Variants in SORCS3 observed in about 807,000 individuals in gnomAD.
The protein encoded by SORCS3 is sortilin related VPS10 domain containing receptor 3.
In SORCS3, 57 loss-of-function variants were observed where a neutral mutation model predicts 146.3. That is an observed-to-expected ratio of 0.39 (90% CI 0.31 to 0.49). SORCS3 has a LOEUF of 0.49. SORCS3 is among the 20% of genes least tolerant of loss of function. The pLI is 0.92. For synonymous variants in SORCS3, 653 were observed against 618.5 expected, an observed-to-expected ratio of 1.06 and a Z score of -0.83; for missense variants, 1,341 against 1,575.5, an observed-to-expected ratio of 0.85 and a Z score of 2.52.
intron 13 of SORCS3, among the ~76,000 whole-genome samples, chr10:105,172,469 T>G (rs2056368301): frequency 6.6e-6 from 1 of 152,230 alleles, no homozygotes; most frequent in Non-Finnish European, 1.5e-5. Flanking sequence ...TCCCTTATTC[T>G]ATCTGTATGT....
chr10:105,034,221 G>A (rs946549573), intron 4 of SORCS3, among the ~76,000 whole-genome samples: 3 of 152,122 alleles, frequency 2.0e-5, no homozygotes, highest in African/African-American at 7.2e-5. Context: ...CCCTTAGGAA[G>A]TGTTATTTCC....
chr10:104,808,576 G>A (rs780962584), intron 1 of SORCS3, among the ~76,000 whole-genome samples: 8 of 152,076 alleles, frequency 5.3e-5, no homozygotes, highest in Non-Finnish European at 1.2e-4. Flanking sequence ...TGAAGGCCTG[G>A]AATCAAAAAA....
At chr10:104,910,096 A>G (rs1753417934) in intron 2 of SORCS3, among the ~76,000 whole-genome samples, 1 of 152,212 alleles carries the variant, frequency 6.6e-6, no homozygotes, top group Admixed American at 6.5e-5. Context: ...GCCATAGAAT[A>G]GTCCCAAGCA....
At chr10:105,066,783 T>A (rs1444831334) in intron 5 of SORCS3, among the ~76,000 whole-genome samples, 2 of 152,114 alleles carry the variant, frequency 1.3e-5, no homozygotes. Context: ...CTCCAAATCA[T>A]GACCATTTCT....
At chr10:104,720,829 T>G (rs2133444714) in intron 1 of SORCS3, among the ~76,000 whole-genome samples, 1 of 152,346 alleles carries the variant, frequency 6.6e-6, no homozygotes, top group Non-Finnish European at 1.5e-5. Context: ...GGTTGTTTGT[T>G]TTTTTCTTGT....
intron 1 of SORCS3, 68 bp downstream of exon 1, chr10:104,642,022 G>GGGGGGGGGGGGGGGGGGGGGGGCCCCC: frequency 1.2e-5 from 2 of 173,336 alleles, no homozygotes; most frequent in Non-Finnish European, 2.2e-5. Flanking sequence ...GGGTGGGTGG[G>GGGGGGGGGGGGGGGGGGGGGGGCCCCC]AGCGAGGGAC....
intron 5 of SORCS3, among the ~76,000 whole-genome samples, chr10:105,085,912 T>C (rs978343177): frequency 2.6e-5 from 4 of 152,156 alleles, no homozygotes; most frequent in Non-Finnish European, 5.9e-5. Flanking sequence ...TCTCTATCTC[T>C]GTGTGTTTCT....
chr10:104,684,794 T>G (rs1023327453), intron 1 of SORCS3, among the ~76,000 whole-genome samples: 63 of 7,602 alleles, frequency 8.3e-3, no homozygotes, highest in Admixed American at 0.017. Flanking sequence ...TTTTTTTTTT[T>G]TTTTTTTTTT....
intron 1 of SORCS3, among the ~76,000 whole-genome samples, chr10:104,810,699 AT>A: frequency 6.6e-6 from 1 of 152,312 alleles, no homozygotes; most frequent in South Asian, 2.1e-4. Context: ...TTTTTAAAAG[AT>A]TTCCGATAGA....
At chr10:104,672,723 A>G (rs2015869842) in intron 1 of SORCS3, among the ~76,000 whole-genome samples, 1 of 152,026 alleles carries the variant, frequency 6.6e-6, no homozygotes, top group Admixed American at 6.6e-5. Context: ...TTTGTTTAAG[A>G]GTGTGTTGTT....
At chr10:104,729,138 T>C (rs772066146) in intron 1 of SORCS3, among the ~76,000 whole-genome samples, 5 of 152,202 alleles carry the variant, frequency 3.3e-5, no homozygotes, top group Non-Finnish European at 2.9e-5. Context: ...ATTTAAAAAA[T>C]GGTATGTGTA....
Position 104,856,144 on chromosome 10 carries a change from C to T in SORCS3, c.695+13285C>T, listed in dbSNP as rs538683765. On this transcript the variant is annotated intron_variant, in intron 2 of 26. Coordinates refer to ENST00000369701, the MANE Select transcript of SORCS3 (RefSeq NM_014978.3). Reference sequence around the variant, plus strand: ...ATGAGGTATGTAAGCCTATTTGGCTCTACTCAGACCCTGTATTAGTATAAT... The same window carrying T: ...ATGAGGTATGTAAGCCTATTTGGCTTTACTCAGACCCTGTATTAGTATAAT... Among the ~76,000 whole-genome samples, 64 of 152,242 alleles carry T rather than the reference C, an allele frequency of 4.2e-4. 1 individual carries two copies. The South Asian group carries it at 0.013, about 30-fold the overall frequency.
At position 104,834,387 on chromosome 10, in the gene SORCS3, C is replaced by T. The variant is rs77823258; in HGVS notation, c.628-8405C>T. 6.8e-4 allele frequency among the ~76,000 whole-genome samples: 104 copies of T among 152,240 alleles called. 2 individuals are homozygous for T. In the East Asian group the frequency reaches 0.018, roughly 27 times the overall value. On this transcript the variant is annotated intron_variant, in intron 1 of 26. Transcript: ENST00000369701. Reference sequence around the variant, plus strand: ...TCATTAACTTGTTGTTCCTTGGTTACGCTGGGCACATTCCTGCCTTTGGAT... The same window carrying T: ...TCATTAACTTGTTGTTCCTTGGTTATGCTGGGCACATTCCTGCCTTTGGAT...
intron 5 of SORCS3, among the ~76,000 whole-genome samples, chr10:105,067,124 C>A (rs950229171): frequency 6.6e-6 from 1 of 152,198 alleles, no homozygotes; most frequent in East Asian, 1.9e-4. Context: ...CTCATTATTT[C>A]TCTTCCATCT....
chr10:105,242,567 T>C (rs1278090193), intron 20 of SORCS3, among the ~76,000 whole-genome samples: 4 of 38,950 alleles, frequency 1.0e-4, no homozygotes, highest in Admixed American at 7.7e-4. Flanking sequence ...CATTTATATA[T>C]ATTTATATAT....
chr10:105,110,055 A>T (rs1424361487), intron 7 of SORCS3, among the ~76,000 whole-genome samples: 1 of 151,950 alleles, frequency 6.6e-6, no homozygotes, highest in Non-Finnish European at 1.5e-5. Context: ...GAGAGCCATA[A>T]TTTCTCCCAT....
intron 1 of SORCS3, among the ~76,000 whole-genome samples, chr10:104,716,632 A>T (rs1365258296): frequency 1.3e-5 from 2 of 152,212 alleles, no homozygotes; most frequent in Non-Finnish European, 2.9e-5. Flanking sequence ...ATTAGGACCA[A>T]GGAGAGCAAA....
At chr10:104,987,896 T>G (rs1191363243) in intron 4 of SORCS3, among the ~76,000 whole-genome samples, 1 of 152,198 alleles carries the variant, frequency 6.6e-6, no homozygotes, top group African/African-American at 2.4e-5. Flanking sequence ...TAGACAATTC[T>G]AATGCATTGA....
At chr10:104,899,080 C>G (rs1412611574) in intron 2 of SORCS3, among the ~76,000 whole-genome samples, 1 of 152,048 alleles carries the variant, frequency 6.6e-6, no homozygotes, top group African/African-American at 2.4e-5. Context: ...CTGTTTATAC[C>G]ATAGGGACTC....
Sources: gnomAD v4.1 joint callset for allele counts (sites outside exome capture counted in the v4.1 genomes callset) on GRCh38, gnomAD v4.1.1 for gene constraint, MANE v1.5 for transcripts, NCBI Gene and HGNC (gene_info 2026-07-23, HGNC 2026-07-21) for gene names.